Variants in CHKA observed in about 807,000 individuals in gnomAD.
CHKA encodes choline kinase alpha.
In CHKA, 34 loss-of-function variants were observed where a neutral mutation model predicts 60.1. The ratio of observed to expected loss-of-function variants is 0.57; its 90% CI spans 0.43 to 0.75. CHKA has a LOEUF of 0.75. Among genes scored for constraint, CHKA ranks in the 30% least tolerant of loss-of-function variants. The pLI is 0.00. For missense variants in CHKA, 563 were observed against 561.3 expected, an observed-to-expected ratio of 1.00 and a Z score of -0.03; for synonymous variants, 217 against 223.1, an observed-to-expected ratio of 0.97 and a Z score of 0.24.
chr11:68,084,412 G>GTA (rs1172497313), intron 2 of CHKA, among the ~76,000 whole-genome samples: 158 of 77,296 alleles, frequency 2.0e-3, no homozygotes, highest in African/African-American at 6.6e-3. Context: ...GTATATATGT[G>GTA]TATATATATA....
chr11:68,056,568 G>A (rs956419189), intron 11 of CHKA, among the ~76,000 whole-genome samples: 29 of 152,226 alleles, frequency 1.9e-4, no homozygotes, highest in African/African-American at 5.8e-4. Context: ...AGAGGACAGG[G>A]TTTGGGGAGT....
chr11:68,081,125 C>T (rs1309026127), intron 3 of CHKA, among the ~76,000 whole-genome samples: 1 of 152,196 alleles, frequency 6.6e-6, no homozygotes, highest in Non-Finnish European at 1.5e-5. Context: ...CACGAATGCT[C>T]CCCTGGCTGC....
chr11:68,114,589 T>C (rs1430921708), intron 1 of CHKA, among the ~76,000 whole-genome samples: 1 of 151,538 alleles, frequency 6.6e-6, no homozygotes, highest in Non-Finnish European at 1.5e-5. Flanking sequence ...TCCAGCTACT[T>C]GGGAGGCTGA....
intron 1 of CHKA, among the ~76,000 whole-genome samples, chr11:68,109,448 AATT>A (rs893951550): frequency 6.6e-6 from 1 of 152,050 alleles, no homozygotes; most frequent in African/African-American, 2.4e-5. Context: ...CCTCAGGAGA[AATT>A]ATTTTGCCAG....
chr11:68,067,034 G>A (rs908169896), intron 7 of CHKA, among the ~76,000 whole-genome samples: 4 of 152,186 alleles, frequency 2.6e-5, no homozygotes, highest in African/African-American at 9.7e-5. Context: ...TCCTTCCCAA[G>A]GAGACCACAG....
chr11:68,076,611 G>A (rs1856798934), intron 3 of CHKA, among the ~76,000 whole-genome samples: 1 of 152,082 alleles, frequency 6.6e-6, no homozygotes, highest in African/African-American at 2.4e-5. Flanking sequence ...GTAAACAGGG[G>A]CTGGGCATGG....
intron 5 of CHKA, 97 bp from the exon 6 acceptor site, chr11:68,070,390 A>T: frequency 1.1e-6 from 1 of 933,356 alleles, no homozygotes; most frequent in African/African-American, 1.6e-5. Context: ...ATTCAATCCC[A>T]GCGCAGTCAC....
chr11:68,067,972 G>T (rs1325502667), intron 7 of CHKA, among the ~76,000 whole-genome samples: 1 of 152,238 alleles, frequency 6.6e-6, no homozygotes, highest in Admixed American at 6.5e-5. Flanking sequence ...CTGTGACTAG[G>T]GGAGGCAAGG....
intron 2 of CHKA, chr11:68,082,090 T>A (rs926530290): frequency 6.6e-6 from 1 of 152,112 alleles, no homozygotes; most frequent in African/African-American, 2.4e-5. Flanking sequence ...AATTATTTCA[T>A]ATATTAATAT....
intron 2 of CHKA, among the ~76,000 whole-genome samples, chr11:68,084,511 G>A (rs1035450905): frequency 6.7e-6 from 1 of 149,262 alleles, no homozygotes; most frequent in Non-Finnish European, 1.5e-5. Context: ...ATTTGAAGTA[G>A]ATATTAAAAT....
At chr11:68,101,422 A>AC (rs776376661) in intron 1 of CHKA, among the ~76,000 whole-genome samples, 1 of 152,046 alleles carries the variant, frequency 6.6e-6, no homozygotes, top group Non-Finnish European at 1.5e-5. Flanking sequence ...AACCCTAAAG[A>AC]CCCCACCAAA....
intron 1 of CHKA, among the ~76,000 whole-genome samples, chr11:68,114,991 C>T (rs1459914814): frequency 1.3e-5 from 2 of 152,082 alleles, no homozygotes; most frequent in Admixed American, 6.6e-5. Flanking sequence ...TATGATTTTT[C>T]GACTATACAA....
At chr11:68,079,096 G>C (rs1258175162) in intron 3 of CHKA, among the ~76,000 whole-genome samples, 1 of 151,638 alleles carries the variant, frequency 6.6e-6, no homozygotes, top group African/African-American at 2.4e-5. Context: ...ACCAAGCCCA[G>C]CTTATTTTTG....
intron 3 of CHKA, among the ~76,000 whole-genome samples, chr11:68,075,910 G>C (rs1223165886): frequency 6.6e-6 from 1 of 152,246 alleles, no homozygotes; most frequent in African/African-American, 2.4e-5. Flanking sequence ...GTGAAGCAAT[G>C]TGCTGTGGAG....
intron 2 of CHKA, among the ~76,000 whole-genome samples, chr11:68,082,938 A>T (rs1337408987): frequency 4.6e-5 from 7 of 152,198 alleles, no homozygotes; most frequent in African/African-American, 1.7e-4. Flanking sequence ...TACTACAAAA[A>T]TGCTTTCAGA....
intron 4 of CHKA, among the ~76,000 whole-genome samples, chr11:68,072,389 T>A (rs1204253432): frequency 6.6e-6 from 1 of 151,330 alleles, no homozygotes; most frequent in Non-Finnish European, 1.5e-5. Context: ...TACAAAAAAA[T>A]AAACAAAATT....
At chr11:68,061,100 T>TTG (rs1856225859) in intron 11 of CHKA, among the ~76,000 whole-genome samples, 1 of 136,468 alleles carries the variant, frequency 7.3e-6, no homozygotes, top group African/African-American at 2.8e-5. Context: ...TGACAGTTTT[T>TTG]TTTTTTTTTT....
At chr11:68,055,772 C>T (rs111854974) in intron 11 of CHKA, among the ~76,000 whole-genome samples, 9 of 152,080 alleles carry the variant, frequency 5.9e-5, no homozygotes, top group African/African-American at 1.9e-4. Context: ...AGGCCGGGCG[C>T]GGTGGCTCAT....
chr11:68,055,445 T>C (rs1413685106), intron 11 of CHKA, among the ~76,000 whole-genome samples: 1 of 152,210 alleles, frequency 6.6e-6, no homozygotes, highest in East Asian at 1.9e-4. Context: ...CAAGTCTTGG[T>C]GTGGAATTTG....
Sources: gnomAD v4.1 joint callset for allele counts (sites outside exome capture counted in the v4.1 genomes callset) on GRCh38, gnomAD v4.1.1 for gene constraint, MANE v1.5 for transcripts, NCBI Gene and HGNC (gene_info 2026-07-23, HGNC 2026-07-21) for gene names.